CSMD2: variants seen among roughly 807,000 people sequenced by gnomAD.
CSMD2 encodes the protein CUB and Sushi multiple domains 2.
A neutral mutation model predicts 398.5 loss-of-function variants in CSMD2; 130 were observed. The ratio of observed to expected loss-of-function variants is 0.33; its 90% CI spans 0.28 to 0.38. CSMD2 has a LOEUF of 0.38. Among genes scored for constraint, CSMD2 ranks in the 10% least tolerant of loss-of-function variants. CSMD2 has a pLI of 1.00. For missense variants in CSMD2, 3,829 were observed against 4,764.9 expected, an observed-to-expected ratio of 0.80 and a Z score of 5.78; for synonymous variants, 1,828 against 1,908.5, an observed-to-expected ratio of 0.96 and a Z score of 1.10.
intron 5 of CSMD2, among the ~76,000 whole-genome samples, chr1:33,872,383 G>A (rs1344026642): frequency 6.6e-6 from 1 of 152,182 alleles, no homozygotes; most frequent in Non-Finnish European, 1.5e-5. Context: ...GGTGGTCTGA[G>A]ATAAAGCTGT....
At chr1:33,820,588 A>AAAAAAAAAAAC in intron 7 of CSMD2, 32 bp from the exon 8 acceptor site, 13 of 917,858 alleles carry the variant, frequency 1.4e-5, no homozygotes, top group South Asian at 8.6e-5. Context: ...AAAAAAAAAA[A>AAAAAAAAAAAC]CAGCACACAC....
intron 13 of CSMD2, among the ~76,000 whole-genome samples, chr1:33,743,932 G>C (rs12047134): frequency 6.6e-6 from 1 of 152,316 alleles, no homozygotes; most frequent in East Asian, 1.9e-4. Flanking sequence ...CCATCCAACT[G>C]TCTATTTGTA....
intron 5 of CSMD2, among the ~76,000 whole-genome samples, chr1:33,880,583 T>C (rs72663971): frequency 0.02 from 2,980 of 152,314 alleles, 37 homozygotes; most frequent in Non-Finnish European, 0.031. Context: ...TACAGCTCAG[T>C]GGTTTTGGCT....
chr1:34,165,599 AACACACAC>A (rs113072230), upstream of CSMD2: 5 of 636,972 alleles, frequency 7.8e-6, no homozygotes, highest in African/African-American at 5.6e-5. Flanking sequence ...CACACACACA[AACACACAC>A]ACACACACAC....
In CSMD2 at chr1:34,014,648, A is replaced by AT. The variant is rs555707538; in HGVS notation, c.517+17945dup. On this transcript the variant is annotated intron_variant, in intron 3 of 70. Transcript: ENST00000373381. ...CTCCAGCAGTTGTCACAGTTGTCTGATTTTTTATCTGTCTCCTCCACTAGA... is the reference window on the plus strand; with the variant it reads ...CTCCAGCAGTTGTCACAGTTGTCTGATTTTTTTATCTGTCTCCTCCACTAGA... Among the ~76,000 whole-genome samples, 76 of 152,294 alleles carry AT rather than the reference A, an allele frequency of 5.0e-4. No homozygotes were observed. The South Asian group carries it at 0.011, about 23-fold the overall frequency.
chr1:34,132,677 T>C (rs369642525), intron 1 of CSMD2, among the ~76,000 whole-genome samples: 6 of 152,110 alleles, frequency 3.9e-5, no homozygotes, highest in African/African-American at 7.2e-5. Context: ...AAAGAAGAAA[T>C]AGACAGAGAA....
chr1:33,586,044 A>C (rs779865795), intron 46 of CSMD2, among the ~76,000 whole-genome samples: 30 of 152,246 alleles, frequency 2.0e-4, no homozygotes, highest in Non-Finnish European at 4.1e-4. Context: ...CGCTGAAGCG[A>C]ATTCATTTCT....
Position 33,548,520 on chromosome 1 carries a change from G to A in CSMD2, c.8917+1657C>T, listed in dbSNP as rs144731188. ...AGAGGTTTTGTTGTGCAACAGTTGG[G>A]TCCACTGCTTGCACACAATGAGACT... On this transcript the variant is annotated intron_variant, in intron 56 of 70. Coordinates refer to ENST00000373381, the MANE Select transcript of CSMD2 (RefSeq NM_001281956.2). 5.2e-3 allele frequency among the ~76,000 whole-genome samples: 798 copies of A among 152,284 alleles called. 3 individuals carry two copies. Among genetic ancestry groups the A allele is most frequent in the Non-Finnish European group, 8.1e-3 (551 of 68,026 alleles).
intron 3 of CSMD2, among the ~76,000 whole-genome samples, chr1:34,003,803 A>G (rs1448984633): frequency 6.6e-6 from 1 of 152,026 alleles, no homozygotes. Context: ...CTTTCCTCAA[A>G]CAGAAGTGGT....
chr1:33,854,216 A>G (rs1638911820), intron 5 of CSMD2, among the ~76,000 whole-genome samples: 1 of 152,126 alleles, frequency 6.6e-6, no homozygotes. Context: ...TCTCCACCAT[A>G]GTGCTTCTCT....
intron 2 of CSMD2, among the ~76,000 whole-genome samples, chr1:34,064,920 C>T (rs540795668): frequency 2.0e-5 from 3 of 152,180 alleles, no homozygotes; most frequent in South Asian, 2.1e-4. Flanking sequence ...GATGCAAAAG[C>T]GGAAAACTCG....
chr1:34,076,925 AAAAATATATATAT>A (rs1656414170), intron 2 of CSMD2, among the ~76,000 whole-genome samples: 1 of 112,674 alleles, frequency 8.9e-6, no homozygotes, highest in Non-Finnish European at 1.8e-5. Flanking sequence ...AAAAAAAAAA[AAAAATATATATAT>A]ATATATATAT....
In CSMD2 at chr1:33,636,281, C is replaced by T; in HGVS notation, c.4969+79G>A. The T allele has an allele frequency of 4.2e-6, 6 of 1,415,924 alleles. No individual in the cohort carries two copies. The highest frequency in any genetic ancestry group is 4.1e-5 in the South Asian group (3 of 72,660). 87.7% of individuals were successfully genotyped at this position (1,415,924 alleles called of 1,614,324 possible). ...GGGCTTGAGGACCTTGCCCCCCTCC[C>T]TTCCCCAGCCCACAGCACCCTCTGC... On this transcript the variant is annotated intron_variant, in intron 30 of 70. Transcript: ENST00000373381. This position sits in a 1 kb window ranked among gnomAD's most constrained non-coding sequence, Gnocchi z 4.8.
chr1:33,963,752 T>C (rs1351424383), intron 3 of CSMD2, among the ~76,000 whole-genome samples: 1 of 152,256 alleles, frequency 6.6e-6, no homozygotes, highest in Admixed American at 6.5e-5. Flanking sequence ...TTCTTGTTTA[T>C]TGCTGCATAG....
At chr1:33,959,202 T>TA (rs1290921441) in intron 3 of CSMD2, among the ~76,000 whole-genome samples, 2 of 152,138 alleles carry the variant, frequency 1.3e-5, no homozygotes, top group Non-Finnish European at 2.9e-5. Flanking sequence ...TGAGCCTAGA[T>TA]AAAAAATGCC....
intron 3 of CSMD2, among the ~76,000 whole-genome samples, chr1:34,000,696 G>A (rs1335738742): frequency 1.3e-5 from 2 of 152,078 alleles, no homozygotes; most frequent in African/African-American, 4.8e-5. Flanking sequence ...AAAGTAAAAG[G>A]CTATGGAACA....
chr1:34,082,570 G>T (rs1237379964), intron 2 of CSMD2, among the ~76,000 whole-genome samples: 1 of 152,234 alleles, frequency 6.6e-6, no homozygotes, highest in Admixed American at 6.5e-5. Flanking sequence ...CCGTCTGGGA[G>T]GTGTACCCAA....
intron 56 of CSMD2, among the ~76,000 whole-genome samples, chr1:33,549,857 T>C (rs1570698898): frequency 6.6e-6 from 1 of 151,974 alleles, no homozygotes; most frequent in Non-Finnish European, 1.5e-5. Flanking sequence ...ACTTGAACTG[T>C]CCCCAGGAAC....
chr1:33,944,551 T>C (rs1644783160), intron 3 of CSMD2, among the ~76,000 whole-genome samples: 2 of 152,138 alleles, frequency 1.3e-5, no homozygotes, highest in Non-Finnish European at 2.9e-5. Flanking sequence ...TTTAGGTTGG[T>C]AAAGATGACC....
Sources: allele counts gnomAD v4.1 joint callset (sites outside exome capture counted in the v4.1 genomes callset), GRCh38; gene constraint gnomAD v4.1.1; non-coding constraint Gnocchi (gnomAD v3.1); transcripts MANE v1.5; gene names NCBI Gene and HGNC (gene_info 2026-07-23, HGNC 2026-07-21).